Variants in KCNG3 observed in about 807,000 individuals in gnomAD.
The protein encoded by KCNG3 is potassium voltage-gated channel modifier subfamily G member 3.
In KCNG3, 15 loss-of-function variants were observed where a neutral mutation model predicts 29.0. The observed-to-expected ratio is 0.52, with a 90% CI of 0.35 to 0.80. The LOEUF is 0.80. Ranked by LOEUF, KCNG3 falls within the 30% of genes least tolerant of loss-of-function variation. The pLI, the probability that KCNG3 is intolerant of heterozygous loss-of-function variation, is 0.01. For synonymous variants in KCNG3, 322 were observed against 248.9 expected (o/e 1.29, Z -2.76); for missense variants, 512 against 605.7 (o/e 0.85, Z 1.62).
At chr2:42,437,137 G>T (rs1324030916), downstream of KCNG3, among the ~76,000 whole-genome samples, 5 of 151,988 alleles carry the variant, frequency 3.3e-5, no homozygotes, top group Admixed American at 3.3e-4. Context: ...ATGCTATAGT[G>T]TTCCTATCTC....
At chr2:42,454,496 G>C (rs1672833035) in intron 1 of KCNG3, among the ~76,000 whole-genome samples, 2 of 151,544 alleles carry the variant, frequency 1.3e-5, no homozygotes, top group African/African-American at 4.8e-5. Flanking sequence ...CAGATCACCT[G>C]AGGTAAGGAG....
At chr2:42,437,054 AC>A (rs1208040731), downstream of KCNG3, among the ~76,000 whole-genome samples, 2 of 152,138 alleles carry the variant, frequency 1.3e-5, no homozygotes, top group African/African-American at 4.8e-5. Flanking sequence ...GACATTTACA[AC>A]CCTTTTTTCC....
chr2:42,445,783 G>A (rs1018629698), intron 1 of KCNG3, among the ~76,000 whole-genome samples: 1 of 151,950 alleles, frequency 6.6e-6, no homozygotes, highest in African/African-American at 2.4e-5. Flanking sequence ...CTGGAGTGCA[G>A]TGGCACGATC....
At chr2:42,420,735 A>G in the KCNG3 span, among the ~76,000 whole-genome samples, 2 of 152,166 alleles carry the variant, frequency 1.3e-5, no homozygotes, top group Admixed American at 1.3e-4. Flanking sequence ...GGTTGCAGTG[A>G]GCCGAGATCA....
intron 1 of KCNG3, among the ~76,000 whole-genome samples, chr2:42,453,318 C>G (rs866931358): frequency 2.0e-5 from 3 of 152,286 alleles, no homozygotes; most frequent in South Asian, 2.1e-4. Flanking sequence ...TTTCCACTAA[C>G]AGTGTATGAG....
At position 42,443,899 on chromosome 2, in the gene KCNG3, C is replaced by CA; in HGVS notation, c.*34_*35insT. The stretch of plus-strand genomic sequence containing the variant: ...AATATGAAGCAGCATCAAAGTCTTT[C>CA]TATGAAGTGTATGCAAGAATTGATT... On this transcript the variant is annotated 3_prime_UTR_variant, in exon 2 of 2. Coordinates refer to ENST00000306078, the MANE Select transcript of KCNG3 (RefSeq NM_133329.6). 6.4e-7 allele frequency: 1 copy of CA among 1,558,706 alleles called. No individual in the cohort carries two copies. The highest frequency in any genetic ancestry group is 8.7e-7 in the Non-Finnish European group (1 of 1,150,368).
At chr2:42,425,499 G>A in the KCNG3 span, among the ~76,000 whole-genome samples, 2 of 152,002 alleles carry the variant, frequency 1.3e-5, no homozygotes, top group South Asian at 2.1e-4. Context: ...GGGATGATGG[G>A]GAGTGGGAGG....
intron 1 of KCNG3, among the ~76,000 whole-genome samples, chr2:42,483,124 A>C (rs1293150923): frequency 1.3e-5 from 2 of 152,186 alleles, no homozygotes; most frequent in African/African-American, 4.8e-5. Flanking sequence ...CTGTCTCAAA[A>C]AAATAAAAAT....
At chr2:42,448,950 C>G (rs1672678697) in intron 1 of KCNG3, among the ~76,000 whole-genome samples, 1 of 151,878 alleles carries the variant, frequency 6.6e-6, no homozygotes, top group African/African-American at 2.4e-5. Flanking sequence ...TGCACTCCAG[C>G]CTGGGTGACA....
chr2:42,477,370 T>TACACAC (rs1673456325), intron 1 of KCNG3, among the ~76,000 whole-genome samples: 1 of 119,154 alleles, frequency 8.4e-6, no homozygotes, highest in Non-Finnish European at 1.7e-5. Flanking sequence ...TATACATATA[T>TACACAC]ATACACACAC....
At chr2:42,389,339 A>G in the KCNG3 span, among the ~76,000 whole-genome samples, 3 of 152,196 alleles carry the variant, frequency 2.0e-5, no homozygotes, top group Non-Finnish European at 4.4e-5. Context: ...TGGCATGGCT[A>G]TACTATTGTT....
At chr2:42,431,545 T>C in the KCNG3 span, among the ~76,000 whole-genome samples, 515 of 152,274 alleles carry the variant, frequency 3.4e-3, 4 homozygotes, top group African/African-American at 0.012. Flanking sequence ...ATTAGAAATA[T>C]TACTCATGAG....
At chr2:42,476,040 T>C (rs1466946917) in intron 1 of KCNG3, among the ~76,000 whole-genome samples, 1 of 152,198 alleles carries the variant, frequency 6.6e-6, no homozygotes, top group Non-Finnish European at 1.5e-5. Context: ...CACCCCAGCC[T>C]GGGCAACAAG....
chr2:42,472,418 T>A (rs1673311919), intron 1 of KCNG3, among the ~76,000 whole-genome samples: 1 of 152,042 alleles, frequency 6.6e-6, no homozygotes, highest in Non-Finnish European at 1.5e-5. Context: ...TACATGGGAA[T>A]AACATCAAAG....
intron 1 of KCNG3, among the ~76,000 whole-genome samples, chr2:42,469,625 A>G (rs1464795099): frequency 6.6e-6 from 1 of 152,082 alleles, no homozygotes; most frequent in Admixed American, 6.5e-5. Flanking sequence ...TTGAAATGTA[A>G]AAGTTAAGTA....
At position 42,466,457 on chromosome 2, in the gene KCNG3, C is replaced by A. The variant is rs555332015; in HGVS notation, c.666-21878G>T. 8.5e-5 allele frequency among the ~76,000 whole-genome samples: 13 copies of A among 152,252 alleles called. No homozygotes were observed. In the South Asian group the frequency reaches 1.0e-3, roughly 12 times the overall value. On this transcript the variant is annotated intron_variant, in intron 1 of 1. Coordinates refer to ENST00000306078, the MANE Select transcript of KCNG3 (RefSeq NM_133329.6). ...ACGAAATACAATACACAAGTATTTA[C>A]CACTGTGTTGTAACTGCCTACAGTA... is the stretch of plus-strand genomic sequence containing the variant.
chr2:42,487,332 C>CT (rs1256400977), intron 1 of KCNG3, among the ~76,000 whole-genome samples: 75 of 128,742 alleles, frequency 5.8e-4, no homozygotes, highest in Middle Eastern at 4.3e-3. Flanking sequence ...GAGCTAATTT[C>CT]TTTTTTTTTT....
chr2:42,493,446 C>T lies in KCNG3; in HGVS notation c.56G>A (p.Arg19Gln). 1.4e-6 allele frequency: 2 copies of T among 1,467,214 alleles called. No homozygotes were observed. The highest frequency in any genetic ancestry group is 1.8e-6 in the Non-Finnish European group (2 of 1,115,978). 90.9% of individuals were successfully genotyped at this position (1,467,214 alleles called of 1,614,324 possible). A position where few individuals can be genotyped will look rare whatever the true frequency, so the allele number is the denominator to read the frequency against. ...CAGCAGCTCCCGGGACAGCGAATAC[C>T]GGGCGCCGCCCACGTTCAGCACCAC... Reference protein sequence around the residue: ...ASVVLNVGGARYSLSRELLKD... With the variant: ...ASVVLNVGGAQYSLSRELLKD... Residue 19 changes from arginine to glutamine, a missense_variant, in exon 1 of 2, where the codon CGG becomes CAG. Around this residue, in one of 5 missense-constraint regions of KCNG3, gnomAD observed 18 missense variants for 36.1 expected, o/e 0.50. Transcript: ENST00000306078.
chr2:42,453,239 T>C (rs979295559), intron 1 of KCNG3, among the ~76,000 whole-genome samples: 7 of 152,232 alleles, frequency 4.6e-5, no homozygotes, highest in African/African-American at 1.7e-4. Context: ...CTGGATCATA[T>C]GGTAGCTCTA....
Sources: allele counts gnomAD v4.1 joint callset (sites outside exome capture counted in the v4.1 genomes callset), GRCh38; gene constraint gnomAD v4.1.1; regional missense constraint gnomAD v4.1.1; transcripts MANE v1.5; gene names NCBI Gene and HGNC (gene_info 2026-07-23, HGNC 2026-07-21).